URGCP: variants seen among roughly 807,000 people sequenced by gnomAD.
URGCP encodes up-regulator of cell proliferation.
URGCP carries 13 observed loss-of-function variants against 24.6 expected under a neutral mutation model. That is an observed-to-expected ratio of 0.53 (90% CI 0.34 to 0.84). URGCP has a LOEUF of 0.84. Ranked by LOEUF, URGCP falls within the 40% of genes least tolerant of loss-of-function variation. The probability of loss-of-function intolerance (pLI) is 0.01; values close to 1 mark genes in which losing one functional copy is unlikely to be tolerated. For missense variants in URGCP, 899 were observed against 1,194.3 expected (o/e 0.75, Z 3.64); for synonymous variants, 444 against 487.2 (o/e 0.91, Z 1.17).
At chr7:43,923,803 T>C (rs1244568301) in intron 1 of URGCP, among the ~76,000 whole-genome samples, 2 of 152,242 alleles carry the variant, frequency 1.3e-5, no homozygotes, top group African/African-American at 2.4e-5. Context: ...CTAGTTGGTA[T>C]TGCTTGAAGC....
intron 1 of URGCP, among the ~76,000 whole-genome samples, chr7:43,889,855 C>A (rs1044887830): frequency 6.6e-6 from 1 of 152,148 alleles, no homozygotes; most frequent in Non-Finnish European, 1.5e-5. Flanking sequence ...ATGACCCTTT[C>A]CCCATATCCT....
At chr7:43,906,256 C>G (rs2095902214) in intron 1 of URGCP, 1 of 156,188 alleles carries the variant, frequency 6.4e-6, no homozygotes. Context: ...GCTCCCGCCG[C>G]GCCCCGGGCA....
intron 1 of URGCP, among the ~76,000 whole-genome samples, chr7:43,924,129 C>T (rs1481921665): frequency 6.6e-6 from 1 of 152,198 alleles, no homozygotes; most frequent in Non-Finnish European, 1.5e-5. Context: ...CTTGACCTCC[C>T]AAAGTGCTGC....
intron 3 of URGCP, among the ~76,000 whole-genome samples, chr7:43,883,467 TCTC>T (rs2095857813): frequency 6.6e-6 from 1 of 150,760 alleles, no homozygotes; most frequent in African/African-American, 2.4e-5. Flanking sequence ...TTCATGCCAT[TCTC>T]CTGCCTCAGC....
At chr7:43,915,130 G>A (rs1301789838) in intron 1 of URGCP, among the ~76,000 whole-genome samples, 1 of 152,170 alleles carries the variant, frequency 6.6e-6, no homozygotes, top group Non-Finnish European at 1.5e-5. Flanking sequence ...TTTTTGCTGA[G>A]ATGAGAGCTT....
chr7:43,898,159 A>G (rs957785724), intron 1 of URGCP, among the ~76,000 whole-genome samples: 1 of 152,198 alleles, frequency 6.6e-6, no homozygotes, highest in Non-Finnish European at 1.5e-5. Flanking sequence ...ACCACAGTGT[A>G]CTCACAACAA....
intron 1 of URGCP, among the ~76,000 whole-genome samples, chr7:43,891,146 C>T (rs2095870070): frequency 6.6e-6 from 1 of 152,176 alleles, no homozygotes; most frequent in Non-Finnish European, 1.5e-5. Context: ...TATGGCACTC[C>T]CTGGACAGTC....
chr7:43,926,463 G>T, upstream of URGCP: 1 of 1,375,014 alleles, frequency 7.3e-7, no homozygotes, highest in Non-Finnish European at 9.5e-7. Context: ...GCTTGGTGGC[G>T]GCTGAGCCGG....
chr7:43,911,022 T>C (rs2095909485), upstream of URGCP, among the ~76,000 whole-genome samples: 1 of 152,140 alleles, frequency 6.6e-6, no homozygotes, highest in Non-Finnish European at 1.5e-5. Flanking sequence ...CAATAAAAGT[T>C]GGAAACTTCA....
intron 2 of URGCP, 52 bp from the exon 3 acceptor site, chr7:43,887,537 C>A: frequency 6.3e-7 from 1 of 1,596,216 alleles, no homozygotes; most frequent in South Asian, 1.1e-5. Context: ...ATACCACTTT[C>A]ACCTATCAAA....
chr7:43,883,507 C>T (rs1167652906), intron 3 of URGCP, among the ~76,000 whole-genome samples: 1 of 151,158 alleles, frequency 6.6e-6, no homozygotes, highest in East Asian at 1.9e-4. Context: ...ACTACAGGCG[C>T]CCGCCACCAC....
At position 43,878,884 on chromosome 7, in the gene URGCP, G is replaced by A; in HGVS notation, c.579C>T (p.Ser193=). 1 of 1,614,258 alleles carries A rather than the reference G, an allele frequency of 6.2e-7. No individual in the cohort carries two copies. The highest frequency in any genetic ancestry group is 8.5e-7 in the Non-Finnish European group (1 of 1,180,034). Reference sequence around the variant, plus strand: ...TTTCTTGTTGCAGGAAACTGTCTGAGGAGAGCAGCAGGGCACAGAGAAGGT... The same window carrying A: ...TTTCTTGTTGCAGGAAACTGTCTGAAGAGAGCAGCAGGGCACAGAGAAGGT... ...PLDLLCALLL[S]SDSFLQQEIA... is the part of the protein sequence containing the mutation. Residue 193 remains serine, a synonymous_variant, in exon 6 of 6, where the codon TCC becomes TCT. Transcript: ENST00000453200. The surrounding 1 kb of genome is among the most constrained non-coding windows in gnomAD (Gnocchi z 5.6).
intron 1 of URGCP, among the ~76,000 whole-genome samples, chr7:43,902,484 G>A (rs982882903): frequency 3.3e-5 from 5 of 152,144 alleles, no homozygotes; most frequent in African/African-American, 7.2e-5. Context: ...GGCCAGAAAG[G>A]GACCATATTT....
At chr7:43,906,633 G>C (rs933517455), upstream of URGCP, 2 of 1,167,806 alleles carry the variant, frequency 1.7e-6, no homozygotes, top group African/African-American at 3.2e-5. Flanking sequence ...GCCGCGGCTC[G>C]GCGCCGGGGA....
At chr7:43,886,963 A>G (rs1321179510) in intron 3 of URGCP, among the ~76,000 whole-genome samples, 1 of 152,152 alleles carries the variant, frequency 6.6e-6, no homozygotes, top group Non-Finnish European at 1.5e-5. Context: ...TACAAGCCCC[A>G]GTGTGCTCTG....
chr7:43,920,591 A>T (rs1423427766), intron 1 of URGCP, among the ~76,000 whole-genome samples: 2 of 152,198 alleles, frequency 1.3e-5, no homozygotes, highest in Non-Finnish European at 2.9e-5. Flanking sequence ...GGATATTTTT[A>T]AAACCTTTAT....
chr7:43,882,587 A>T (rs961638480), intron 3 of URGCP, among the ~76,000 whole-genome samples: 1 of 151,890 alleles, frequency 6.6e-6, no homozygotes, highest in African/African-American at 2.4e-5. Context: ...CAGCGTGGGC[A>T]TCAGAGCAAG....
At chr7:43,893,521 T>C (rs760849942) in intron 1 of URGCP, among the ~76,000 whole-genome samples, 3 of 152,134 alleles carry the variant, frequency 2.0e-5, no homozygotes, top group Admixed American at 1.3e-4. Flanking sequence ...GACCCAACTC[T>C]ATGTTGTCTA....
chr7:43,885,989 G>A (rs2095861503), intron 3 of URGCP, among the ~76,000 whole-genome samples: 1 of 152,224 alleles, frequency 6.6e-6, no homozygotes, highest in Non-Finnish European at 1.5e-5. Context: ...TCTGCTACAA[G>A]CCTTGACCAA....
Sources: allele counts gnomAD v4.1 joint callset (sites outside exome capture counted in the v4.1 genomes callset), GRCh38; gene constraint gnomAD v4.1.1; non-coding constraint Gnocchi (gnomAD v3.1); transcripts MANE v1.5; gene names NCBI Gene and HGNC (gene_info 2026-07-23, HGNC 2026-07-21).